The following SPG21 variants were observed in gnomAD, a reference collection of about 807,000 sequenced individuals.
SPG21 encodes maspardin.
SPG21 carries 26 observed loss-of-function variants against 38.9 expected under a neutral mutation model. The ratio of observed to expected loss-of-function variants is 0.67; its 90% CI spans 0.49 to 0.93. SPG21 has a LOEUF of 0.93. SPG21 is among the 40% of genes least tolerant of loss of function. The probability of loss-of-function intolerance (pLI) is 0.00; values close to 1 mark genes in which losing one functional copy is unlikely to be tolerated. For missense variants in SPG21, 333 were observed against 376.5 expected (o/e 0.88, Z 0.96); for synonymous variants, 136 against 128.9 (o/e 1.05, Z -0.37).
intron 7 of SPG21, among the ~76,000 whole-genome samples, chr15:64,966,545 G>A (rs2085543722): frequency 6.6e-6 from 1 of 152,124 alleles, no homozygotes; most frequent in South Asian, 2.1e-4. Flanking sequence ...GGCAGAGGAT[G>A]ATAAGAAGTT....
At chr15:64,975,262 T>A (rs1230672677) in intron 4 of SPG21, among the ~76,000 whole-genome samples, 5 of 143,836 alleles carry the variant, frequency 3.5e-5, no homozygotes, top group African/African-American at 1.3e-4. Flanking sequence ...CACTCCAGCC[T>A]GGGCAACAGA....
At chr15:64,978,073 C>T (rs1436685455) in intron 3 of SPG21, among the ~76,000 whole-genome samples, 2 of 148,560 alleles carry the variant, frequency 1.3e-5, no homozygotes, top group African/African-American at 2.5e-5. Context: ...TCTTGTGATC[C>T]GCCTGCCTCG....
At chr15:64,989,503 A>C (rs534238060) in intron 1 of SPG21, 162 bp downstream of exon 1, 17 of 152,390 alleles carry the variant, frequency 1.1e-4, no homozygotes, top group African/African-American at 4.1e-4. Context: ...CCAGACACAC[A>C]CTCACAAGGG....
intron 6 of SPG21, 108 bp from the exon 7 acceptor site, chr15:64,969,470 G>T: frequency 2.4e-6 from 2 of 831,390 alleles, no homozygotes; most frequent in Non-Finnish European, 4.1e-6. Context: ...ATCTGTGGTG[G>T]GGCCAGAAAA....
rs563264536 is a variant in SPG21, at chr15:64,971,408, G to A, written c.453-1186C>T. Among the ~76,000 whole-genome samples, 5 of 151,906 alleles carry A rather than the reference G, an allele frequency of 3.3e-5. No individual in the cohort carries two copies. The South Asian group carries it at 6.3e-4, about 19-fold the overall frequency. On this transcript the variant is annotated intron_variant, in intron 5 of 8. Coordinates refer to ENST00000204566, the MANE Select transcript of SPG21 (RefSeq NM_016630.7). Reference sequence around the variant, plus strand: ...CTAAAAATTAGCCGGGCTTGGTGGCGGGCGCCTGTAGTCCCAGCTACTCGG... The same window carrying A: ...CTAAAAATTAGCCGGGCTTGGTGGCAGGCGCCTGTAGTCCCAGCTACTCGG...
chr15:64,979,428 CT>C (rs1215536247), intron 3 of SPG21, among the ~76,000 whole-genome samples: 1 of 152,110 alleles, frequency 6.6e-6, no homozygotes, highest in Non-Finnish European at 1.5e-5. Context: ...AGAGGAATGA[CT>C]GAAAATCTGA....
At chr15:64,966,074 T>G (rs2085535557) in intron 7 of SPG21, among the ~76,000 whole-genome samples, 1 of 152,060 alleles carries the variant, frequency 6.6e-6, no homozygotes, top group Admixed American at 6.6e-5. Context: ...AGAATATTAA[T>G]AGAGAACAAT....
intron 7 of SPG21, among the ~76,000 whole-genome samples, chr15:64,968,606 G>A (rs1272200750): frequency 1.3e-5 from 2 of 152,072 alleles, no homozygotes; most frequent in Non-Finnish European, 2.9e-5. Context: ...AAAATGTTGT[G>A]AAAATGGTGA....
intron 8 of SPG21, among the ~76,000 whole-genome samples, chr15:64,964,947 A>G (rs965643604): frequency 1.3e-5 from 2 of 152,122 alleles, no homozygotes; most frequent in Non-Finnish European, 2.9e-5. Context: ...CTTTTAATGC[A>G]TTAAAATTAG....
At chr15:64,980,811 A>T in intron 3 of SPG21, 53 bp downstream of exon 3, 1 of 1,465,772 alleles carries the variant, frequency 6.8e-7, no homozygotes, top group Non-Finnish European at 9.4e-7. Flanking sequence ...CAGAAGCATA[A>T]AAAAAAAAAA....
At chr15:64,984,752 CT>C (rs66644150) in intron 1 of SPG21, among the ~76,000 whole-genome samples, 203 of 140,198 alleles carry the variant, frequency 1.4e-3, no homozygotes, top group African/African-American at 2.8e-3. Flanking sequence ...ATGTAGTTCC[CT>C]TTTTTTTTTT....
At chr15:64,978,924 A>G (rs2085834068) in intron 3 of SPG21, among the ~76,000 whole-genome samples, 1 of 152,256 alleles carries the variant, frequency 6.6e-6, no homozygotes, top group Non-Finnish European at 1.5e-5. Context: ...AACTGGGGAA[A>G]TGTGTAAAAG....
Position 64,989,914 on chromosome 15 carries a change from C to T in SPG21, c.-274G>A, listed in dbSNP as rs1482841504. ...CGCCGCTCAGCTGGCGCGAGACTCC[C>T]GCTTCCGGGTTCTCAGAGGGCGGGG... On this transcript the variant is annotated 5_prime_UTR_variant, in exon 1 of 9. Transcript: ENST00000204566. The T allele has an allele frequency of 1.3e-5, 2 of 152,284 alleles. No homozygotes were observed. The highest frequency in any genetic ancestry group is 4.8e-5 in the African/African-American group (2 of 41,578). The allele number at this position is 152,284 out of a possible 1,614,324, so 9.4% of individuals were successfully genotyped here. A position where few individuals can be genotyped will look rare whatever the true frequency, so the allele number is the denominator to read the frequency against.
chr15:64,984,772 CAG>C (rs2085956001), intron 1 of SPG21, among the ~76,000 whole-genome samples: 1 of 137,972 alleles, frequency 7.2e-6, no homozygotes, highest in African/African-American at 2.7e-5. Context: ...TTTTTTGAGA[CAG>C]AGTCTCACTC....
intron 7 of SPG21, among the ~76,000 whole-genome samples, chr15:64,967,344 C>T (rs966774744): frequency 6.6e-6 from 1 of 152,100 alleles, no homozygotes; most frequent in Non-Finnish European, 1.5e-5. Flanking sequence ...CAGGTTCTCA[C>T]TCTGTTGCCC....
At position 64,963,702 on chromosome 15, in the gene SPG21, G is replaced by A. The variant is rs183121219; in HGVS notation, c.845C>T (p.Ala282Val). The A allele has an allele frequency of 7.4e-6, 12 of 1,613,984 alleles. No homozygotes were observed. The highest frequency in any genetic ancestry group is 1.1e-5 in the South Asian group (1 of 91,084). Residue 282 changes from alanine (A) to valine (V), a missense_variant, in exon 9 of 9, where the codon GCG (alanine) becomes GTG (valine). Coordinates refer to ENST00000204566, the MANE Select transcript of SPG21 (RefSeq NM_016630.7). Reference sequence around the variant, plus strand: ...ACTGACCATTGATGGGTCAATGGCCGCGTATTTGGTTCCATGGAATTGCAG... The same window carrying A: ...ACTGACCATTGATGGGTCAATGGCCACGTATTTGGTTCCATGGAATTGCAG... ...HLLQFHGTKYAAIDPSMVSAE... is the reference protein window; with the variant it reads ...HLLQFHGTKYVAIDPSMVSAE...
chr15:64,969,290 G>A lies in SPG21; in HGVS notation c.634C>T (p.His212Tyr). ...GTTACAGGTATGTCCCGAATTTTAT[G>A]AGGTTCCACATAAGAATTTTGACAA... Reference protein sequence around the residue: ...LNCQNSYVEPHKIRDIPVTIM... With the variant: ...LNCQNSYVEPYKIRDIPVTIM... Residue 212 changes from histidine (H) to tyrosine (Y), a missense_variant, in exon 7 of 9, where the codon CAT becomes TAT. His to Tyr is a moderately conservative substitution (Grantham distance 83). Coordinates refer to ENST00000204566, the MANE Select transcript of SPG21 (RefSeq NM_016630.7). 6.2e-7 allele frequency: 1 copy of A among 1,614,028 alleles called. No individual in the cohort carries two copies. Among genetic ancestry groups the A allele is most frequent in the Non-Finnish European group, 8.5e-7 (1 of 1,179,928 alleles).
At position 64,977,664 on chromosome 15, in the gene SPG21, G is replaced by A. The variant is rs114663971; in HGVS notation, c.226-1109C>T. 9.6e-3 allele frequency among the ~76,000 whole-genome samples: 1,457 copies of A among 152,158 alleles called. 38 individuals carry two copies. Among genetic ancestry groups the A allele is most frequent in the African/African-American group, 0.034 (1,422 of 41,496 alleles). On this transcript the variant is annotated intron_variant, in intron 3 of 8. Coordinates refer to ENST00000204566, the MANE Select transcript of SPG21 (RefSeq NM_016630.7). ...TTCCCAAAGTGCTGGGATTACGGGT[G>A]TGAGCCACCATGCCAGGCTACTGTA...
chr15:64,963,780 G>C (rs761872576), intron 8 of SPG21, 44 bp from the exon 9 acceptor site: 2 of 1,567,462 alleles, frequency 1.3e-6, no homozygotes, highest in Non-Finnish European at 1.8e-6. Flanking sequence ...TTTTGAGCTG[G>C]AGTGTCACTC....
Sources: gnomAD v4.1 joint callset for allele counts (sites outside exome capture counted in the v4.1 genomes callset) on GRCh38, gnomAD v4.1.1 for gene constraint, MANE v1.5 for transcripts, NCBI Gene and HGNC (gene_info 2026-07-23, HGNC 2026-07-21) for gene names.